Variants in RANBP2 observed in about 807,000 individuals in gnomAD.
RANBP2 encodes RAN binding protein 2, also known as E3 SUMO-protein ligase RanBP2.
RANBP2 carries 57 observed loss-of-function variants against 303.6 expected under a neutral mutation model. That is an observed-to-expected ratio of 0.19 (90% CI 0.15 to 0.23). The LOEUF (loss-of-function observed/expected upper bound fraction) is 0.23, where lower values mean the gene tolerates loss of function less well. Among genes scored for constraint, RANBP2 ranks in the 10% least tolerant of loss-of-function variants. The probability of loss-of-function intolerance (pLI) is 1.00; values close to 1 mark genes in which losing one functional copy is unlikely to be tolerated. For synonymous variants in RANBP2, 1,167 were observed against 1,301.5 expected (o/e 0.90, Z 2.23); for missense variants, 3,138 against 3,780.8 (o/e 0.83, Z 4.46).
At chr2:108,755,370 G>A in intron 17 of RANBP2, 111 bp downstream of exon 17, 1 of 1,465,088 alleles carries the variant, frequency 6.8e-7, no homozygotes, top group South Asian at 1.2e-5. Context: ...CATCCAAATA[G>A]TATGGCAAGG....
the RANBP2 span, among the ~76,000 whole-genome samples, chr2:109,199,602 T>TCAACGCGAGTGCAG: frequency 5.9e-3 from 2 of 340 alleles, no homozygotes; most frequent in Admixed American, 0.031. Context: ...TGGAATGGAA[T>TCAACGCGAGTGCAG]GGAATGGAAT....
the RANBP2 span, among the ~76,000 whole-genome samples, chr2:109,455,258 TG>T: frequency 1.3e-5 from 2 of 152,026 alleles, no homozygotes; most frequent in Non-Finnish European, 2.9e-5. Flanking sequence ...AGGCTGGCCT[TG>T]GGGGGAGAAA....
the RANBP2 span, among the ~76,000 whole-genome samples, chr2:109,172,221 T>G: frequency 2.0e-5 from 3 of 152,222 alleles, no homozygotes; most frequent in Admixed American, 1.3e-4. Flanking sequence ...CAGCCAGGCC[T>G]CTGAGCACAG....
At chr2:108,804,080 T>A in the RANBP2 span, among the ~76,000 whole-genome samples, 1 of 152,154 alleles carries the variant, frequency 6.6e-6, no homozygotes, top group African/African-American at 2.4e-5. Context: ...TATTCTTGAT[T>A]CTCTTTAGAT....
the RANBP2 span, among the ~76,000 whole-genome samples, chr2:109,169,148 C>T: frequency 5.9e-5 from 9 of 152,116 alleles, no homozygotes; most frequent in Non-Finnish European, 1.3e-4. Flanking sequence ...GCCCACATCT[C>T]GTCATATGTA....
chr2:109,075,114 G>A, the RANBP2 span, among the ~76,000 whole-genome samples: 68,302 of 146,992 alleles, frequency 0.46, 17,654 homozygotes, highest in Non-Finnish European at 0.5. Context: ...AACTAGAAAA[G>A]GAACAAACTA....
intron 1 of RANBP2, among the ~76,000 whole-genome samples, chr2:108,728,556 G>A (rs906971552): frequency 4.0e-5 from 6 of 151,884 alleles, no homozygotes; most frequent in Admixed American, 2.6e-4. Flanking sequence ...CTCTGAAAGT[G>A]CTAGAATTAA....
chr2:109,671,093 G>T, the RANBP2 span, among the ~76,000 whole-genome samples: 26 of 152,340 alleles, frequency 1.7e-4, no homozygotes, highest in South Asian at 5.0e-3. Context: ...ATGCTGTAAC[G>T]CTACCACTTC....
the RANBP2 span, among the ~76,000 whole-genome samples, chr2:109,370,227 G>GTCTCTGTC: frequency 3.1e-5 from 3 of 96,642 alleles, no homozygotes; most frequent in African/African-American, 1.2e-4. Flanking sequence ...CTCTGTCTCT[G>GTCTCTGTC]TCTCTCTCTC....
At chr2:109,647,790 A>G in the RANBP2 span, among the ~76,000 whole-genome samples, 1 of 152,194 alleles carries the variant, frequency 6.6e-6, no homozygotes, top group Non-Finnish European at 1.5e-5. Context: ...CACTTAAACA[A>G]CATTAGAGCC....
At chr2:109,112,879 A>G in the RANBP2 span, among the ~76,000 whole-genome samples, 1 of 152,198 alleles carries the variant, frequency 6.6e-6, no homozygotes, top group Non-Finnish European at 1.5e-5. Context: ...AGCACCATTT[A>G]TTAAATAGGG....
the RANBP2 span, among the ~76,000 whole-genome samples, chr2:109,133,784 T>G: frequency 2.6e-5 from 4 of 151,406 alleles, no homozygotes; most frequent in African/African-American, 9.7e-5. Context: ...TGAATTATGG[T>G]GCATATTTAG....
the RANBP2 span, among the ~76,000 whole-genome samples, chr2:109,252,280 A>G: frequency 6.6e-6 from 1 of 151,940 alleles, no homozygotes; most frequent in Non-Finnish European, 1.5e-5. Context: ...TTTCAACATT[A>G]TAATTTAAAA....
the RANBP2 span, among the ~76,000 whole-genome samples, chr2:109,231,718 A>G: frequency 1.5e-3 from 232 of 152,322 alleles, 1 homozygote; most frequent in Non-Finnish European, 2.6e-3. Context: ...ATTAAATCTT[A>G]CCGTGCATGC....
the RANBP2 span, chr2:109,564,685 T>C: frequency 3.1e-6 from 2 of 645,146 alleles, no homozygotes; most frequent in Admixed American, 3.7e-5. Flanking sequence ...ATTTTATACA[T>C]GTAACCAAGG....
the RANBP2 span, among the ~76,000 whole-genome samples, chr2:108,985,476 G>A: frequency 1.3e-5 from 2 of 152,208 alleles, no homozygotes; most frequent in Admixed American, 6.5e-5. Context: ...GGCTCCTTAC[G>A]GCCCACCTGT....
chr2:109,359,904 T>C, the RANBP2 span, among the ~76,000 whole-genome samples: 3 of 152,260 alleles, frequency 2.0e-5, no homozygotes, highest in East Asian at 3.9e-4. Context: ...CACATGCCAA[T>C]GGCAGGTTCT....
the RANBP2 span, among the ~76,000 whole-genome samples, chr2:109,493,552 A>T: frequency 6.7e-6 from 1 of 148,198 alleles, no homozygotes; most frequent in Non-Finnish European, 1.5e-5. Flanking sequence ...CACACCATAC[A>T]CATACATACC....
the RANBP2 span, among the ~76,000 whole-genome samples, chr2:109,410,149 C>G: frequency 0.049 from 7,446 of 152,312 alleles, 337 homozygotes; most frequent in African/African-American, 0.11. Context: ...TGGTTACAAC[C>G]TGGCGGTTTA....
Sources: allele counts gnomAD v4.1 joint callset (sites outside exome capture counted in the v4.1 genomes callset), GRCh38; gene constraint gnomAD v4.1.1; transcripts MANE v1.5; gene names NCBI Gene and HGNC (gene_info 2026-07-23, HGNC 2026-07-21).